Variants in ST7 observed in about 807,000 individuals in gnomAD.
ST7 encodes the protein suppressor of tumorigenicity 7 protein.
A neutral mutation model predicts 78.7 loss-of-function variants in ST7; 28 were observed. The ratio of observed to expected loss-of-function variants is 0.36; its 90% CI spans 0.26 to 0.49. The LOEUF (loss-of-function observed/expected upper bound fraction) is 0.49, where lower values mean the gene tolerates loss of function less well. ST7 is among the 20% of genes least tolerant of loss of function. ST7 has a pLI of 0.99. For synonymous variants in ST7, 247 were observed against 249.6 expected (o/e 0.99, Z 0.10); for missense variants, 418 against 696.0 (o/e 0.60, Z 4.49).
In ST7 at chr7:116,953,505, A is replaced by T. The variant is rs1390140217; in HGVS notation, c.-36A>T. 7.8e-7 allele frequency: 1 copy of T among 1,285,984 alleles called. No individual in the cohort carries two copies. Among genetic ancestry groups the T allele is most frequent in the Non-Finnish European group, 1.0e-6 (1 of 989,184 alleles). 79.7% of individuals were successfully genotyped at this position (1,285,984 alleles called of 1,614,324 possible). On this transcript the variant is annotated 5_prime_UTR_variant, in exon 1 of 16. Coordinates refer to ENST00000323984, the MANE Select transcript of ST7 (RefSeq NM_001369598.1). ...GGGCCGGTGAATCATCCCGGCAGAC[A>T]CCAAGAGCCGCGGCAGCAGAGAGGA...
At chr7:117,011,828 A>G (rs1435611304) in intron 1 of ST7, among the ~76,000 whole-genome samples, 1 of 152,194 alleles carries the variant, frequency 6.6e-6, no homozygotes, top group African/African-American at 2.4e-5. Flanking sequence ...GCATCTAGGC[A>G]TATCAGCAAG....
Position 117,190,729 on chromosome 7 carries a change from C to A in ST7, c.1152-105C>A. The A allele has an allele frequency of 1.2e-6, 1 of 840,126 alleles. No homozygotes were observed. Among genetic ancestry groups the A allele is most frequent in the Non-Finnish European group, 1.9e-6 (1 of 512,990 alleles). 52.0% of individuals were successfully genotyped at this position (840,126 alleles called of 1,614,324 possible). On this transcript the variant is annotated intron_variant, in intron 11 of 15. Coordinates refer to ENST00000323984, the MANE Select transcript of ST7 (RefSeq NM_001369598.1). The surrounding 1 kb of genome is among the most constrained non-coding windows in gnomAD (Gnocchi z 5.2). The stretch of plus-strand genomic sequence containing the variant: ...GCAGTAGAAGTTTGGAGAGCTCATG[C>A]TATTGGCTCACTGTGGTTTTATGGG...
chr7:117,109,764 C>G (rs977457452), intron 2 of ST7, among the ~76,000 whole-genome samples: 22 of 152,262 alleles, frequency 1.4e-4, no homozygotes, highest in African/African-American at 5.1e-4. Context: ...ATCAATATCT[C>G]TGATGAACGT....
At chr7:117,064,132 A>G (rs1292161213) in intron 1 of ST7, among the ~76,000 whole-genome samples, 1 of 152,156 alleles carries the variant, frequency 6.6e-6, no homozygotes, top group Non-Finnish European at 1.5e-5. Context: ...AAAAGCTACT[A>G]CCTTTTTCTA....
intron 1 of ST7, among the ~76,000 whole-genome samples, chr7:117,038,780 T>C (rs1345424398): frequency 1.3e-5 from 2 of 152,116 alleles, no homozygotes; most frequent in Non-Finnish European, 2.9e-5. Flanking sequence ...GTGTATAAAA[T>C]TTAGTGAACG....
chr7:117,158,971 T>C (rs993624545), intron 9 of ST7, among the ~76,000 whole-genome samples: 3 of 152,184 alleles, frequency 2.0e-5, no homozygotes, highest in Admixed American at 1.3e-4. Context: ...TTGACCTCAG[T>C]AGGAATCTGG....
intron 10 of ST7, among the ~76,000 whole-genome samples, chr7:117,183,033 G>C (rs1391698035): frequency 6.6e-6 from 1 of 152,158 alleles, no homozygotes; most frequent in Admixed American, 6.6e-5. Context: ...TAAAAGGCAA[G>C]TAAAATGTTA....
At chr7:116,996,142 C>G (rs1794642747) in intron 1 of ST7, among the ~76,000 whole-genome samples, 1 of 144,138 alleles carries the variant, frequency 6.9e-6, no homozygotes, top group East Asian at 2.1e-4. Flanking sequence ...AGTGCAGTGG[C>G]ACAGTCTCAG....
intron 1 of ST7, among the ~76,000 whole-genome samples, chr7:116,986,360 C>A (rs561561760): frequency 6.6e-6 from 1 of 152,066 alleles, no homozygotes; most frequent in Non-Finnish European, 1.5e-5. Context: ...TATTTGTAAG[C>A]AACAGAAACT....
At chr7:117,123,622 T>C (rs1355077174) in intron 3 of ST7, among the ~76,000 whole-genome samples, 2 of 152,180 alleles carry the variant, frequency 1.3e-5, no homozygotes, top group South Asian at 2.1e-4. Context: ...CCTGCTGATA[T>C]ATTCTGCCAC....
intron 1 of ST7, among the ~76,000 whole-genome samples, chr7:117,031,631 T>C (rs111219786): frequency 8.2e-6 from 1 of 121,416 alleles, no homozygotes; most frequent in African/African-American, 3.6e-5. Flanking sequence ...TATATGTGTG[T>C]ATATGTGCAT....
intron 2 of ST7, chr7:117,118,332 A>G (rs1478117978): frequency 1.3e-5 from 2 of 152,236 alleles, no homozygotes; most frequent in African/African-American, 2.4e-5. Flanking sequence ...CTCAACCTAT[A>G]GTCAAAAAGA....
In ST7 at chr7:117,219,121, C is replaced by T. The variant is rs199995641; in HGVS notation, c.1443C>T (p.His481=). The T allele has an allele frequency of 6.2e-7, 1 of 1,613,520 alleles. No individual in the cohort carries two copies. The highest frequency in any genetic ancestry group is 2.2e-5 in the East Asian group (1 of 44,802). Residue 481 remains histidine, a synonymous_variant, in exon 14 of 16, where the codon CAC becomes CAT. Transcript: ENST00000323984. The surrounding 1 kb of genome is among the most constrained non-coding windows in gnomAD (Gnocchi z 5.1). ...RMIPYPLEKG[H]LFYPYPICTE... is the part of the protein sequence containing the mutation. ...TCCCTTATCCCTTGGAAAAGGGGCA[C>T]CTATTTTATCCTTACCCAATCTGTA...
At chr7:117,228,111 A>G (rs1175095263) in intron 15 of ST7, among the ~76,000 whole-genome samples, 1 of 151,968 alleles carries the variant, frequency 6.6e-6, no homozygotes, top group African/African-American at 2.4e-5. Flanking sequence ...CCCTGCTCCT[A>G]TTTCTTCCTT....
intron 1 of ST7, among the ~76,000 whole-genome samples, chr7:116,955,589 T>A (rs1397968403): frequency 1.3e-5 from 2 of 152,260 alleles, no homozygotes; most frequent in African/African-American, 4.8e-5. Flanking sequence ...CACTAGTTTT[T>A]AAAATATTAA....
At chr7:116,967,341 T>C (rs1217544195) in intron 1 of ST7, 5 of 471,214 alleles carry the variant, frequency 1.1e-5, no homozygotes, top group South Asian at 7.7e-5. Flanking sequence ...AGTGCTCCAC[T>C]TGCGCTACTC....
chr7:117,186,309 A>T (rs1331846421), intron 10 of ST7, among the ~76,000 whole-genome samples: 1 of 152,204 alleles, frequency 6.6e-6, no homozygotes, highest in East Asian at 1.9e-4. Flanking sequence ...CCATTATGCA[A>T]TAAAATAAGG....
intron 1 of ST7, among the ~76,000 whole-genome samples, chr7:116,996,275 G>T (rs945796835): frequency 6.6e-6 from 1 of 152,010 alleles, no homozygotes; most frequent in African/African-American, 2.4e-5. Flanking sequence ...TAGAGATGGG[G>T]TTTCACTGTG....
At chr7:117,227,657 T>C (rs1793533894) in intron 15 of ST7, among the ~76,000 whole-genome samples, 1 of 152,180 alleles carries the variant, frequency 6.6e-6, no homozygotes, top group African/African-American at 2.4e-5. Context: ...ATTATCCTCT[T>C]ATAACTAGGA....
Sources: gnomAD v4.1 joint callset for allele counts (sites outside exome capture counted in the v4.1 genomes callset) on GRCh38, gnomAD v4.1.1 for gene constraint, Gnocchi (gnomAD v3.1) non-coding constraint, MANE v1.5 for transcripts, NCBI Gene and HGNC (gene_info 2026-07-23, HGNC 2026-07-21) for gene names.